FGGY: variants seen among roughly 807,000 people sequenced by gnomAD.
The protein encoded by FGGY is FGGY carbohydrate kinase domain containing, also known as FGGY carbohydrate kinase domain-containing protein.
FGGY carries 72 observed loss-of-function variants against 71.3 expected under a neutral mutation model. The observed-to-expected ratio is 1.01, with a 90% CI of 0.84 to 1.23. The LOEUF (loss-of-function observed/expected upper bound fraction) is 1.23. Ranked by LOEUF, FGGY falls within the 50% of genes most tolerant of loss-of-function variation. The pLI is 0.00. For missense variants in FGGY, 668 were observed against 682.3 expected, an observed-to-expected ratio of 0.98 and a Z score of 0.23; for synonymous variants, 251 against 250.3, an observed-to-expected ratio of 1.00 and a Z score of -0.02.
At chr1:59,675,400 C>T (rs970009045) in intron 14 of FGGY, among the ~76,000 whole-genome samples, 31 of 152,278 alleles carry the variant, frequency 2.0e-4, no homozygotes, top group Non-Finnish European at 2.6e-4. Context: ...TAAGGGTACA[C>T]TATTGGGAAC....
At chr1:59,722,889 C>A (rs1054334079) in intron 14 of FGGY, among the ~76,000 whole-genome samples, 4 of 152,176 alleles carry the variant, frequency 2.6e-5, no homozygotes, top group Non-Finnish European at 5.9e-5. Flanking sequence ...CTCCACCTCC[C>A]AGGTTCATGC....
At chr1:59,317,424 T>G (rs1411932411) in intron 1 of FGGY, among the ~76,000 whole-genome samples, 1 of 152,212 alleles carries the variant, frequency 6.6e-6, no homozygotes, top group Non-Finnish European at 1.5e-5. Flanking sequence ...TAACATTGTG[T>G]GGGAATAAGT....
intron 6 of FGGY, among the ~76,000 whole-genome samples, chr1:59,469,084 C>T (rs577576465): frequency 6.6e-6 from 1 of 152,240 alleles, no homozygotes; most frequent in South Asian, 2.1e-4. Flanking sequence ...CACCCACTGG[C>T]TGGCCAAGAA....
intron 9 of FGGY, 114 bp downstream of exon 9, chr1:59,608,024 G>A (rs1056569792): frequency 1.3e-6 from 1 of 772,342 alleles, no homozygotes; most frequent in Non-Finnish European, 2.1e-6. Context: ...CCCTGAATCG[G>A]GGTGTACTTT....
intron 14 of FGGY, among the ~76,000 whole-genome samples, chr1:59,728,439 A>T (rs142859919): frequency 7.9e-5 from 12 of 152,212 alleles, no homozygotes; most frequent in African/African-American, 2.9e-4. Flanking sequence ...AGATCAATTA[A>T]GAGTAAAAAG....
chr1:59,632,684 G>C (rs375413456), intron 10 of FGGY, among the ~76,000 whole-genome samples: 22 of 152,306 alleles, frequency 1.4e-4, no homozygotes, highest in African/African-American at 5.3e-4. Context: ...TTTAATTCTA[G>C]ATGAGGAAAT....
chr1:59,615,961 C>G (rs533185798), intron 9 of FGGY, among the ~76,000 whole-genome samples: 168 of 152,292 alleles, frequency 1.1e-3, no homozygotes, highest in African/African-American at 4.0e-3. Flanking sequence ...CATCTCACAC[C>G]ACTTAGAATG....
intron 7 of FGGY, among the ~76,000 whole-genome samples, chr1:59,542,207 T>C (rs2095450161): frequency 6.6e-6 from 1 of 152,224 alleles, no homozygotes; most frequent in Admixed American, 6.5e-5. Flanking sequence ...ATGATTAGTC[T>C]GCCTCTGCCA....
intron 4 of FGGY, among the ~76,000 whole-genome samples, chr1:59,370,462 A>C (rs528786318): frequency 2.0e-5 from 3 of 152,250 alleles, no homozygotes; most frequent in African/African-American, 7.2e-5. Context: ...GGAGAATGGA[A>C]CCAAACTGAA....
chr1:59,382,990 G>A (rs375080794), intron 5 of FGGY, among the ~76,000 whole-genome samples: 4 of 152,170 alleles, frequency 2.6e-5, no homozygotes, highest in Non-Finnish European at 2.9e-5. Context: ...GCATACACAC[G>A]GTGGACTAAC....
At chr1:59,657,071 G>A (rs1012341836) in intron 11 of FGGY, among the ~76,000 whole-genome samples, 2 of 152,174 alleles carry the variant, frequency 1.3e-5, no homozygotes, top group South Asian at 4.1e-4. Flanking sequence ...GATTAAGGAA[G>A]TTAAATCCAG....
chr1:59,536,820 T>G lies in FGGY; in HGVS notation c.800-17304T>G, dbSNP rs569947931. Among the ~76,000 whole-genome samples, 206 of 152,308 alleles carry G rather than the reference T, an allele frequency of 1.4e-3. 2 individuals are homozygous for G. The highest frequency in any genetic ancestry group is 4.5e-3 in the African/African-American group (189 of 41,564). On this transcript the variant is annotated intron_variant, in intron 7 of 15. Coordinates refer to ENST00000303721, the MANE Select transcript of FGGY (RefSeq NM_018291.5). The stretch of plus-strand genomic sequence containing the variant: ...AACCCTTCATGCTAAAAACTCTCAA[T>G]AAATTAGATATTGATGGGACATATT...
At chr1:59,641,106 G>A (rs903715342) in intron 11 of FGGY, among the ~76,000 whole-genome samples, 1 of 151,004 alleles carries the variant, frequency 6.6e-6, no homozygotes, top group Non-Finnish European at 1.5e-5. Flanking sequence ...GTGAAGCTGG[G>A]AAGGGGGTTT....
intron 14 of FGGY, among the ~76,000 whole-genome samples, chr1:59,716,493 C>T (rs1348981316): frequency 6.6e-6 from 1 of 152,102 alleles, no homozygotes; most frequent in East Asian, 1.9e-4. Context: ...CTTTGCACTC[C>T]ATTTGGGGAC....
chr1:59,571,666 A>C (rs1252040398), intron 8 of FGGY, among the ~76,000 whole-genome samples: 1 of 152,136 alleles, frequency 6.6e-6, no homozygotes, highest in African/African-American at 2.4e-5. Context: ...TCATAGCATT[A>C]TTTTTTATAA....
Position 59,559,392 on chromosome 1 carries a change from G to A in FGGY, c.903+5165G>A, listed in dbSNP as rs561361408. ...AGCTCCAGCCAGTCCCACTGTTTGA[G>A]GTCCCTGACTTCCTGAAACAAACTC... On this transcript the variant is annotated intron_variant, in intron 8 of 15. Transcript: ENST00000303721. 2.6e-5 allele frequency among the ~76,000 whole-genome samples: 4 copies of A among 152,270 alleles called. 1 individual carries two copies. The South Asian group carries it at 8.3e-4, about 32-fold the overall frequency.
At chr1:59,532,079 G>C (rs1313922845) in intron 7 of FGGY, among the ~76,000 whole-genome samples, 13 of 152,182 alleles carry the variant, frequency 8.5e-5, no homozygotes, top group Admixed American at 2.0e-4. Context: ...GGTGGTATTT[G>C]ACATGAACTC....
intron 6 of FGGY, among the ~76,000 whole-genome samples, chr1:59,476,803 A>T (rs1418716353): frequency 6.6e-6 from 1 of 152,160 alleles, no homozygotes; most frequent in Non-Finnish European, 1.5e-5. Flanking sequence ...ACTCAAGATG[A>T]CAGAAGAAAA....
intron 5 of FGGY, among the ~76,000 whole-genome samples, chr1:59,380,238 T>C (rs1310047465): frequency 6.6e-6 from 1 of 151,594 alleles, no homozygotes; most frequent in Non-Finnish European, 1.5e-5. Flanking sequence ...CTATTGTGAA[T>C]AGTGCCACAA....
Sources: allele counts gnomAD v4.1 joint callset (sites outside exome capture counted in the v4.1 genomes callset), GRCh38; gene constraint gnomAD v4.1.1; transcripts MANE v1.5; gene names NCBI Gene and HGNC (gene_info 2026-07-23, HGNC 2026-07-21).